PPP2R2B: variants seen among roughly 807,000 people sequenced by gnomAD.
PPP2R2B encodes the protein serine/threonine-protein phosphatase 2A 55 kDa regulatory subunit B beta isoform.
A neutral mutation model predicts 46.0 loss-of-function variants in PPP2R2B; 5 were observed. The observed-to-expected ratio is 0.11, with a 90% CI of 0.06 to 0.23. PPP2R2B has a LOEUF of 0.23. Among genes scored for constraint, PPP2R2B ranks in the 10% least tolerant of loss-of-function variants. PPP2R2B has a pLI of 1.00. For synonymous variants in PPP2R2B, 215 were observed against 206.7 expected (o/e 1.04, Z -0.34); for missense variants, 367 against 575.0 (o/e 0.64, Z 3.70).
chr5:146,698,320 AT>A (rs1561841544), intron 3 of PPP2R2B, among the ~76,000 whole-genome samples, 176 bp from the exon 4 acceptor site: 1,520 of 71,380 alleles, frequency 0.021, 24 homozygotes, highest in East Asian at 0.027. Flanking sequence ...AAAAAAAAAT[AT>A]ATATATATAT....
chr5:146,828,958 A>G (rs1758749651), intron 2 of PPP2R2B, among the ~76,000 whole-genome samples: 1 of 152,250 alleles, frequency 6.6e-6, no homozygotes, highest in Admixed American at 6.5e-5. Flanking sequence ...AAACTTTGAT[A>G]CAGGACAGCC....
chr5:146,726,987 A>T (rs1425419252), intron 2 of PPP2R2B, among the ~76,000 whole-genome samples: 1 of 152,180 alleles, frequency 6.6e-6, no homozygotes, highest in Non-Finnish European at 1.5e-5. Flanking sequence ...AGAAGGGACA[A>T]CTGGAGGATT....
intron 1 of PPP2R2B, among the ~76,000 whole-genome samples, chr5:147,009,329 A>G (rs1754604107): frequency 6.6e-6 from 1 of 152,038 alleles, no homozygotes; most frequent in South Asian, 2.1e-4. Flanking sequence ...TTTACTTTTT[A>G]GTCTCACCTC....
At chr5:146,740,990 T>A (rs1383605198) in intron 2 of PPP2R2B, among the ~76,000 whole-genome samples, 1 of 149,608 alleles carries the variant, frequency 6.7e-6, no homozygotes, top group Non-Finnish European at 1.5e-5. Flanking sequence ...TGAGCTGAGA[T>A]CGTGCCACCG....
intron 1 of PPP2R2B, among the ~76,000 whole-genome samples, chr5:146,946,024 C>G (rs1262829886): frequency 6.6e-6 from 1 of 152,034 alleles, no homozygotes; most frequent in Non-Finnish European, 1.5e-5. Flanking sequence ...TTTGGGCTAT[C>G]GATTCTAATT....
chr5:147,002,888 C>T (rs1383979342), intron 1 of PPP2R2B, among the ~76,000 whole-genome samples: 3 of 152,104 alleles, frequency 2.0e-5, no homozygotes, highest in Non-Finnish European at 2.9e-5. Flanking sequence ...ATGGGAAACA[C>T]TCAGGTATCA....
At chr5:146,853,375 C>T (rs1760466287) in intron 2 of PPP2R2B, among the ~76,000 whole-genome samples, 1 of 152,112 alleles carries the variant, frequency 6.6e-6, no homozygotes, top group South Asian at 2.1e-4. Context: ...TCCTGCTCAT[C>T]TCTATATCAG....
intron 9 of PPP2R2B, among the ~76,000 whole-genome samples, chr5:146,592,598 A>AT: frequency 6.6e-6 from 1 of 152,328 alleles, no homozygotes; most frequent in Non-Finnish European, 1.5e-5. Context: ...TCAAGGGATA[A>AT]TTTTTGATCT....
intron 1 of PPP2R2B, among the ~76,000 whole-genome samples, chr5:147,002,564 G>A (rs985480615): frequency 6.7e-5 from 10 of 149,332 alleles, no homozygotes; most frequent in African/African-American, 1.3e-4. Context: ...GATTTTTCTC[G>A]GTCTTCTTTG....
At chr5:146,617,214 C>T (rs1209721331) in intron 7 of PPP2R2B, among the ~76,000 whole-genome samples, 1 of 151,758 alleles carries the variant, frequency 6.6e-6, no homozygotes, top group African/African-American at 2.4e-5. Context: ...AGGATGGTTA[C>T]CAGAGGTTGG....
At chr5:147,063,004 A>AGGG (rs1757309274) in intron 2 of PPP2R2B, among the ~76,000 whole-genome samples, 1 of 93,376 alleles carries the variant, frequency 1.1e-5, no homozygotes, top group African/African-American at 3.8e-5. Context: ...GGGAGGGGGG[A>AGGG]AGAAGGGAAG....
intron 5 of PPP2R2B, among the ~76,000 whole-genome samples, chr5:146,685,238 G>A (rs1236697820): frequency 6.6e-6 from 1 of 152,212 alleles, no homozygotes; most frequent in East Asian, 1.9e-4. Context: ...AGACTCTGGA[G>A]CTCTGGACTC....
intron 1 of PPP2R2B, among the ~76,000 whole-genome samples, chr5:146,973,113 CTT>C (rs1216412349): frequency 2.6e-5 from 4 of 151,986 alleles, no homozygotes; most frequent in African/African-American, 9.7e-5. Flanking sequence ...TATGTTATGT[CTT>C]TGATCTACCT....
chr5:146,664,101 A>G (rs939680762), intron 5 of PPP2R2B, among the ~76,000 whole-genome samples: 2 of 152,092 alleles, frequency 1.3e-5, no homozygotes, highest in Non-Finnish European at 2.9e-5. Flanking sequence ...TGGACTCCCA[A>G]AGTGCTGGGA....
intron 1 of PPP2R2B, among the ~76,000 whole-genome samples, chr5:147,012,780 T>C (rs1478748561): frequency 6.6e-6 from 1 of 151,954 alleles, no homozygotes. Context: ...GTATGTTGTG[T>C]CTTTGTTCTC....
At position 146,952,741 on chromosome 5, in the gene PPP2R2B, G is replaced by A. The variant is rs572519113; in HGVS notation, c.79+102924C>T. 7.9e-5 allele frequency among the ~76,000 whole-genome samples: 12 copies of A among 152,232 alleles called. 1 individual carries two copies. The highest frequency in any genetic ancestry group is 4.1e-4 in the South Asian group (2 of 4,820). On this transcript the variant is annotated intron_variant, in intron 1 of 8. Transcript: ENST00000336640. ...AACACCATCTGTATAGTCTGGAACC[G>A]CAGGATCTGGTCTGGTGATAGATTA...
At position 146,961,723 on chromosome 5, in the gene PPP2R2B, T is replaced by C. The variant is rs1385148724; in HGVS notation, c.79+93942A>G. Reference sequence around the variant, plus strand: ...TTGGTTCAGTCATCTACAGAGAGCATTCAGCCCAAAATCTGCCCAACATCA... The same window carrying C: ...TTGGTTCAGTCATCTACAGAGAGCACTCAGCCCAAAATCTGCCCAACATCA... On this transcript the variant is annotated intron_variant, in intron 1 of 8. Coordinates refer to the PPP2R2B transcript ENST00000336640. Among the ~76,000 whole-genome samples, 19 of 152,156 alleles carry C rather than the reference T, an allele frequency of 1.2e-4. 1 individual carries two copies. The highest frequency in any genetic ancestry group is 1.2e-3 in the Admixed American group (19 of 15,284).
intron 2 of PPP2R2B, among the ~76,000 whole-genome samples, chr5:146,843,109 C>T (rs1421518026): frequency 6.6e-6 from 1 of 152,246 alleles, no homozygotes; most frequent in Non-Finnish European, 1.5e-5. Context: ...ATCTCTTGAA[C>T]CTGGGAGGCG....
intron 1 of PPP2R2B, among the ~76,000 whole-genome samples, chr5:146,932,631 A>G (rs1327589800): frequency 6.6e-6 from 1 of 152,060 alleles, no homozygotes; most frequent in African/African-American, 2.4e-5. Flanking sequence ...TATTTCCTTT[A>G]CAAAGTGTTG....
Sources: allele counts gnomAD v4.1 joint callset (sites outside exome capture counted in the v4.1 genomes callset), GRCh38; gene constraint gnomAD v4.1.1; transcripts MANE v1.5; gene names NCBI Gene and HGNC (gene_info 2026-07-23, HGNC 2026-07-21).